STPG2: variants seen among roughly 807,000 people sequenced by gnomAD.
The protein encoded by STPG2 is sperm tail PG-rich repeat containing 2, also known as sperm-tail PG-rich repeat-containing protein 2.
A neutral mutation model predicts 54.2 loss-of-function variants in STPG2; 56 were observed. The observed-to-expected ratio is 1.03, with a 90% CI of 0.83 to 1.29. The LOEUF (loss-of-function observed/expected upper bound fraction) is 1.29, where lower values mean the gene tolerates loss of function less well. STPG2 is among the 50% of genes most tolerant of loss of function. The pLI is 0.00. For synonymous variants in STPG2, 200 were observed against 181.8 expected (o/e 1.10, Z -0.81); for missense variants, 596 against 544.9 (o/e 1.09, Z -0.93).
intron 8 of STPG2, among the ~76,000 whole-genome samples, chr4:97,924,543 A>C (rs1732262100): frequency 6.6e-6 from 1 of 152,214 alleles, no homozygotes; most frequent in South Asian, 2.1e-4. Context: ...ATGTAAATCC[A>C]GCATTAAAGA....
chr4:97,509,992 C>T (rs530795229), intron 4 of STPG2, among the ~76,000 whole-genome samples: 4 of 151,946 alleles, frequency 2.6e-5, no homozygotes, highest in African/African-American at 4.8e-5. Flanking sequence ...TTGTCTTCCA[C>T]GAAACTGACA....
At chr4:97,853,976 G>C (rs563642964) in intron 8 of STPG2, among the ~76,000 whole-genome samples, 2 of 152,044 alleles carry the variant, frequency 1.3e-5, no homozygotes, top group Admixed American at 1.3e-4. Flanking sequence ...GGAGTTTTGT[G>C]TGTTTTTTAT....
At chr4:97,617,580 A>G (rs998826966) in intron 10 of STPG2, among the ~76,000 whole-genome samples, 1 of 152,026 alleles carries the variant, frequency 6.6e-6, no homozygotes, top group Admixed American at 6.6e-5. Context: ...AGCAGAGACA[A>G]CTCCCAGAAC....
rs200815545 is a variant in STPG2 at position 97,978,963 on chromosome 4, CAACTT to C, written c.772+2191_772+2195del. ...TTTCACTTAGACAATGGTGCCCTAA[CAACTT>C]AAGGGTGTTAAAAACATAATAGCCT... On this transcript the variant is annotated intron_variant, in intron 6 of 10. Coordinates refer to ENST00000295268, the MANE Select transcript of STPG2 (RefSeq NM_174952.3). 3.5e-4 allele frequency among the ~76,000 whole-genome samples: 54 copies of C among 152,198 alleles called. No individual in the cohort carries two copies. The East Asian group carries it at 7.2e-3, about 20-fold the overall frequency.
intron 9 of STPG2, among the ~76,000 whole-genome samples, chr4:97,733,074 T>C (rs1724859207): frequency 6.6e-6 from 1 of 152,012 alleles, no homozygotes; most frequent in South Asian, 2.1e-4. Flanking sequence ...AATCCAGCAA[T>C]CCCACTACTG....
intron 2 of STPG2, among the ~76,000 whole-genome samples, chr4:98,129,346 C>T (rs896997094): frequency 6.6e-6 from 1 of 152,114 alleles, no homozygotes; most frequent in Non-Finnish European, 1.5e-5. Flanking sequence ...CAGCTCCTGA[C>T]TTTTTGTTTC....
intron 7 of STPG2, among the ~76,000 whole-genome samples, chr4:97,944,794 A>G (rs1733138538): frequency 6.6e-6 from 1 of 152,158 alleles, no homozygotes; most frequent in South Asian, 2.1e-4. Context: ...TAAAACATCC[A>G]TTACCCACCT....
At chr4:97,936,692 G>A (rs1362929259) in intron 8 of STPG2, among the ~76,000 whole-genome samples, 1 of 152,190 alleles carries the variant, frequency 6.6e-6, no homozygotes, top group Non-Finnish European at 1.5e-5. Context: ...CTTTAAGAAT[G>A]TTGAACATTG....
chr4:97,706,552 T>C (rs115490876), intron 10 of STPG2, among the ~76,000 whole-genome samples: 1 of 152,316 alleles, frequency 6.6e-6, no homozygotes, highest in Non-Finnish European at 1.5e-5. Flanking sequence ...AAATTTTTGT[T>C]GTTTATAAAC....
chr4:97,566,174 G>T (rs1448550634), intron 10 of STPG2, among the ~76,000 whole-genome samples: 1 of 152,162 alleles, frequency 6.6e-6, no homozygotes, highest in Admixed American at 6.5e-5. Flanking sequence ...CTGCCACCTT[G>T]CAGTTTGATC....
chr4:98,093,809 T>C (rs916259272), intron 5 of STPG2, among the ~76,000 whole-genome samples: 7 of 152,228 alleles, frequency 4.6e-5, no homozygotes, highest in Admixed American at 3.3e-4. Context: ...GAGTGGAGAA[T>C]AAAGCCATGC....
chr4:97,964,106 CA>C (rs1419210644), intron 7 of STPG2, among the ~76,000 whole-genome samples: 1 of 151,940 alleles, frequency 6.6e-6, no homozygotes, highest in Non-Finnish European at 1.5e-5. Flanking sequence ...GGTGACCTGC[CA>C]CAGTTTCACA....
chr4:97,844,058 A>C (rs1728876264), intron 8 of STPG2, among the ~76,000 whole-genome samples: 1 of 151,828 alleles, frequency 6.6e-6, no homozygotes, highest in African/African-American at 2.4e-5. Flanking sequence ...CAAATTCAGA[A>C]TTTTTCCAGA....
At chr4:97,809,934 A>G (rs1727684556) in intron 9 of STPG2, among the ~76,000 whole-genome samples, 1 of 152,182 alleles carries the variant, frequency 6.6e-6, no homozygotes, top group African/African-American at 2.4e-5. Context: ...TTAAAAAAAT[A>G]AAAAAACTAA....
In STPG2 at chr4:97,468,983, A is replaced by C. The variant is rs144403047; in HGVS notation, c.462+243716T>G. ...AACTACAACAGAACCAAAATAAAAA[A>C]CACATACAACCAAAGTTTACTGCCT... On this transcript the variant is annotated intron_variant, in intron 4 of 4. Transcript: ENST00000522676. Among the ~76,000 whole-genome samples, 919 of 152,218 alleles carry C rather than the reference A, an allele frequency of 6.0e-3. 5 individuals carry two copies. The highest frequency in any genetic ancestry group is 0.02 in the South Asian group (97 of 4,822).
chr4:98,043,248 C>T (rs1373139161), intron 5 of STPG2, among the ~76,000 whole-genome samples: 5 of 152,036 alleles, frequency 3.3e-5, no homozygotes, highest in Admixed American at 2.0e-4. Context: ...TTTCTTATAA[C>T]AGCACGCAGT....
chr4:97,522,870 T>C (rs1485026953), intron 4 of STPG2, among the ~76,000 whole-genome samples: 2 of 152,020 alleles, frequency 1.3e-5, no homozygotes. Context: ...AACAAATTCA[T>C]GTTTCAAGGT....
chr4:97,734,241 T>C (rs1009206406), intron 9 of STPG2, among the ~76,000 whole-genome samples: 2 of 152,234 alleles, frequency 1.3e-5, no homozygotes, highest in Non-Finnish European at 2.9e-5. Context: ...TCTCATAGGC[T>C]TTATTTTTTA....
intron 8 of STPG2, among the ~76,000 whole-genome samples, chr4:97,858,054 A>G (rs1729389366): frequency 6.6e-6 from 1 of 152,158 alleles, no homozygotes. Context: ...TCTATAAAAT[A>G]GTCTCAAACG....
Sources: allele counts gnomAD v4.1 joint callset (sites outside exome capture counted in the v4.1 genomes callset), GRCh38; gene constraint gnomAD v4.1.1; transcripts MANE v1.5; gene names NCBI Gene and HGNC (gene_info 2026-07-23, HGNC 2026-07-21).